The following DMD variants were observed in gnomAD, a reference collection of about 807,000 sequenced individuals.
The protein encoded by DMD is dystrophin.
DMD carries 63 observed loss-of-function variants against 330.1 expected under a neutral mutation model. The observed-to-expected ratio is 0.19, with a 90% CI of 0.16 to 0.24. DMD has a LOEUF of 0.24. DMD is among the 10% of genes least tolerant of loss of function. DMD has a pLI of 1.00. For missense variants in DMD, 3,344 were observed against 2,684.1 expected (o/e 1.25, Z -5.43); for synonymous variants, 1,223 against 959.8 (o/e 1.27, Z -5.07).
intron 7 of DMD, among the ~76,000 whole-genome samples, chrX:32,754,638 C>G (rs776856059): frequency 9.0e-6 from 1 of 110,917 alleles, no homozygotes; most frequent in Non-Finnish European, 1.9e-5. Context: ...TTCTGAAGAA[C>G]AAGCTATTAA....
intron 44 of DMD, among the ~76,000 whole-genome samples, chrX:32,040,315 C>G (rs917146335): frequency 6.3e-5 from 7 of 111,386 alleles, no homozygotes; most frequent in African/African-American, 2.3e-4. Context: ...AAAAGAGAAC[C>G]AACAATGCCT....
intron 1 of DMD, among the ~76,000 whole-genome samples, chrX:33,227,002 A>G (rs998307176): frequency 2.7e-5 from 3 of 110,053 alleles, no homozygotes; most frequent in Non-Finnish European, 5.7e-5. Flanking sequence ...ACTAGATTAT[A>G]TAACGTAACA....
intron 1 of DMD, among the ~76,000 whole-genome samples, chrX:33,060,931 T>G (rs775205690): frequency 2.7e-5 from 3 of 112,051 alleles, no homozygotes; most frequent in Non-Finnish European, 5.6e-5. Context: ...AACATTGGGT[T>G]AAACTAAGTT....
chrX:32,586,549 CAGAT>C (rs1340823275), intron 13 of DMD, among the ~76,000 whole-genome samples: 1 of 109,101 alleles, frequency 9.2e-6, no homozygotes, highest in East Asian at 2.9e-4. Context: ...GCATTTTATA[CAGAT>C]AGATAGTATT....
At chrX:32,307,351 T>C (rs57065336) in intron 42 of DMD, among the ~76,000 whole-genome samples, 12,197 of 111,230 alleles carry the variant, frequency 0.11, 1,594 homozygotes, top group African/African-American at 0.37. Flanking sequence ...TAGTGGTATT[T>C]ATCCACCAAA....
At chrX:32,657,366 T>C (rs1442304723) in intron 9 of DMD, among the ~76,000 whole-genome samples, 15 of 112,179 alleles carry the variant, frequency 1.3e-4, no homozygotes, top group Non-Finnish European at 2.6e-4. Flanking sequence ...AAAATTTTCA[T>C]AAGCATCAAT....
chrX:31,858,241 G>A (rs780324835), intron 48 of DMD, among the ~76,000 whole-genome samples: 1 of 111,249 alleles, frequency 9.0e-6, no homozygotes, highest in Non-Finnish European at 1.9e-5. Flanking sequence ...TATTGCTATG[G>A]CATTTCTAAG....
intron 44 of DMD, among the ~76,000 whole-genome samples, chrX:32,187,489 A>G (rs1236753787): frequency 1.8e-5 from 2 of 111,777 alleles, no homozygotes; most frequent in Non-Finnish European, 3.8e-5. Context: ...TTTCTTTATG[A>G]AAAGATTAAC....
intron 7 of DMD, among the ~76,000 whole-genome samples, chrX:32,702,107 A>C (rs1284943515): frequency 8.9e-6 from 1 of 112,131 alleles, no homozygotes; most frequent in East Asian, 2.8e-4. Context: ...AAAGTATTTT[A>C]ATGGATTATC....
In DMD at chrX:33,211,319, A is replaced by C. The variant is rs1336488859; in HGVS notation, c.-7T>G. On this transcript the variant is annotated 5_prime_UTR_variant, in exon 1 of 79. Transcript: ENST00000357033. ...CTTCTTCCCACCAAAGCATTTTGAA[A>C]AGTGTATATCAAGGCAGCGATAAAA... 3.3e-6 allele frequency: 4 copies of C among 1,209,156 alleles called. No individual in the cohort carries two copies. The highest frequency in any genetic ancestry group is 4.5e-6 in the Non-Finnish European group (4 of 894,059).
At chrX:32,764,057 A>G (rs1004837209) in intron 7 of DMD, among the ~76,000 whole-genome samples, 1 of 110,545 alleles carries the variant, frequency 9.0e-6, no homozygotes, top group Non-Finnish European at 1.9e-5. Context: ...CACAGTATGC[A>G]CTGAATGGAC....
At chrX:31,172,435 C>T (rs1962222790) in intron 72 of DMD, 22 bp from the exon 73 acceptor site, 2 of 1,127,377 alleles carry the variant, frequency 1.8e-6, no homozygotes, top group South Asian at 3.7e-5. Context: ...CGTAAAAGCT[C>T]ATTAAAACTT....
rs1392195613 is a variant in DMD, at chrX:32,595,929, T to C, written c.1483-53A>G. 19 of 1,008,655 alleles carry C rather than the reference T, an allele frequency of 1.9e-5. No individual in the cohort carries two copies. In the Admixed American group the frequency reaches 4.2e-4, roughly 23 times the overall value. 83.1% of individuals were successfully genotyped at this position (1,008,655 alleles called of 1,213,427 possible). On this transcript the variant is annotated intron_variant, in intron 12 of 78. Coordinates refer to ENST00000357033, the MANE Select transcript of DMD (RefSeq NM_004006.3). The stretch of plus-strand genomic sequence containing the variant: ...TTAAAATGATATTCTTACATGTGTG[T>C]TGAAATGATTTGCTCTCAAATGGTG...
chrX:31,392,240 C>A (rs755037287), intron 60 of DMD, among the ~76,000 whole-genome samples: 4 of 111,995 alleles, frequency 3.6e-5, no homozygotes, highest in South Asian at 3.7e-4. Flanking sequence ...ATAACCATCG[C>A]GTGACAATTC....
intron 54 of DMD, among the ~76,000 whole-genome samples, chrX:31,637,123 C>T (rs575737298): frequency 1.1e-4 from 12 of 111,692 alleles, no homozygotes; most frequent in Middle Eastern, 9.5e-3. Context: ...ACCAACTGAA[C>T]GATGAATTAA....
At chrX:32,359,111 T>C (rs987316029) in intron 37 of DMD, among the ~76,000 whole-genome samples, 4 of 111,508 alleles carry the variant, frequency 3.6e-5, no homozygotes, top group Non-Finnish European at 7.5e-5. Context: ...GCTCTCACCA[T>C]ACTGCTCCTT....
chrX:32,077,948 C>G (rs766619893), intron 44 of DMD, among the ~76,000 whole-genome samples: 1 of 110,937 alleles, frequency 9.0e-6, no homozygotes, highest in South Asian at 3.9e-4. Context: ...CTCTTCTGTT[C>G]CACTTCTAAA....
At chrX:31,516,963 T>C (rs1037928326) in intron 55 of DMD, among the ~76,000 whole-genome samples, 8 of 111,396 alleles carry the variant, frequency 7.2e-5, no homozygotes, top group African/African-American at 2.6e-4. Context: ...TGATGCTTTC[T>C]CTCCTTGTGT....
chrX:31,914,247 A>G (rs1396346567), intron 47 of DMD, among the ~76,000 whole-genome samples: 1 of 111,443 alleles, frequency 9.0e-6, no homozygotes, highest in Non-Finnish European at 1.9e-5. Flanking sequence ...GCTGGAGAGA[A>G]TGTGGAGAAA....
Sources: gnomAD v4.1 joint callset for allele counts (sites outside exome capture counted in the v4.1 genomes callset) on GRCh38, gnomAD v4.1.1 for gene constraint, MANE v1.5 for transcripts, NCBI Gene and HGNC (gene_info 2026-07-23, HGNC 2026-07-21) for gene names.